ANO3: variants seen among roughly 807,000 people sequenced by gnomAD.
The protein encoded by ANO3 is anoctamin 3.
A neutral mutation model predicts 144.8 loss-of-function variants in ANO3; 99 were observed. The ratio of observed to expected loss-of-function variants is 0.68; its 90% CI spans 0.58 to 0.81. The LOEUF (loss-of-function observed/expected upper bound fraction) is 0.81. ANO3 is among the 30% of genes least tolerant of loss of function. The probability of loss-of-function intolerance (pLI) is 0.00; values close to 1 mark genes in which losing one functional copy is unlikely to be tolerated. For synonymous variants in ANO3, 414 were observed against 392.6 expected (o/e 1.05, Z -0.64); for missense variants, 905 against 1,202.2 (o/e 0.75, Z 3.66).
intron 1 of ANO3, among the ~76,000 whole-genome samples, chr11:26,361,670 G>A (rs1855931960): frequency 6.6e-6 from 1 of 152,020 alleles, no homozygotes; most frequent in Non-Finnish European, 1.5e-5. Context: ...TGAAAATATT[G>A]TTCCAATTAC....
rs1853169039 is a variant in ANO3 at position 26,641,975 on chromosome 11, T to G, written c.2221T>G (p.Trp741Gly). The G allele has an allele frequency of 1.2e-6, 2 of 1,613,892 alleles. No individual in the cohort carries two copies. The highest frequency in any genetic ancestry group is 3.3e-5 in the Admixed American group (2 of 59,980). Residue 741 changes from tryptophan (W) to glycine (G), a missense_variant, in exon 22 of 27, where the codon TGG becomes GGG. Around this residue, in one of 4 missense-constraint regions of ANO3, gnomAD observed 597 missense variants for 865.1 expected, o/e 0.69. Transcript: ENST00000256737. ...DASIPQWEND[W>G]NLQPMNLHGL... is the part of the protein sequence containing the mutation. ...TTCCATACCTCAGTGGGAAAATGAT[T>G]GGAATCTGCAGCCCATGAACCTTCA...
Position 26,544,251 on chromosome 11 carries a change from C to CATATATATATAT in ANO3, c.1154+2195_1154+2206dup, listed in dbSNP as rs1554967685. On this transcript the variant is annotated intron_variant, in intron 11 of 26. Coordinates refer to ENST00000256737, the MANE Select transcript of ANO3 (RefSeq NM_031418.4). ...TAAGGTTAAGTAGTATTTCATTATA[C>CATATATATATAT]ATATATATATATATATATATATACA... Among the ~76,000 whole-genome samples, 36 of 38,476 alleles carry CATATATATATAT rather than the reference C, an allele frequency of 9.4e-4. 1 individual carries two copies. The highest frequency in any genetic ancestry group is 1.2e-3 in the Non-Finnish European group (20 of 16,252). 25.2% of individuals were successfully genotyped at this position (38,476 alleles called of 152,430 possible). A position where few individuals can be genotyped will look rare whatever the true frequency, so the allele number is the denominator to read the frequency against.
At chr11:26,297,184 CGTGTGT>C (rs377447870) in intron 1 of ANO3, among the ~76,000 whole-genome samples, 3 of 146,336 alleles carry the variant, frequency 2.1e-5, no homozygotes, top group Non-Finnish European at 3.0e-5. Context: ...TCAACCATTG[CGTGTGT>C]GTGTGTGTGT....
intron 1 of ANO3, among the ~76,000 whole-genome samples, chr11:26,417,215 A>G (rs539203524): frequency 2.6e-5 from 4 of 152,140 alleles, no homozygotes; most frequent in Non-Finnish European, 5.9e-5. Context: ...AAATGGTACT[A>G]CATCTATAAC....
intron 1 of ANO3, among the ~76,000 whole-genome samples, chr11:26,320,110 G>A (rs1854722873): frequency 6.6e-6 from 1 of 152,170 alleles, no homozygotes; most frequent in African/African-American, 2.4e-5. Flanking sequence ...GCAGCCTATG[G>A]ACAAGCTATT....
chr11:26,584,148 TTTGTTTGTTTG>T (rs1279157539), intron 14 of ANO3, among the ~76,000 whole-genome samples: 1 of 71,696 alleles, frequency 1.4e-5, no homozygotes. Flanking sequence ...GTCTTGTTTT[TTTGTTTGTTTG>T]TTTGTTTGTT....
intron 1 of ANO3, among the ~76,000 whole-genome samples, chr11:26,212,823 A>G (rs1677481659): frequency 2.0e-5 from 3 of 152,054 alleles, no homozygotes; most frequent in African/African-American, 7.2e-5. Flanking sequence ...CAAAGACACA[A>G]CAAAAAAATG....
chr11:26,564,797 A>G (rs1850500229), intron 14 of ANO3, among the ~76,000 whole-genome samples: 1 of 117,298 alleles, frequency 8.5e-6, no homozygotes, highest in Non-Finnish European at 1.7e-5. Flanking sequence ...GTTCAGTTGT[A>G]TAGTATTCAC....
intron 1 of ANO3, among the ~76,000 whole-genome samples, chr11:26,380,308 C>T (rs1856555116): frequency 6.6e-6 from 1 of 152,176 alleles, no homozygotes; most frequent in African/African-American, 2.4e-5. Context: ...AAATTCCCTA[C>T]TGTCATTTCT....
At chr11:26,278,130 C>T (rs1461392) in intron 1 of ANO3, among the ~76,000 whole-genome samples, 151,623 of 152,170 alleles carry the variant, frequency 1, 75,542 homozygotes, top group Middle Eastern at 1. Context: ...CGTGTGCTTC[C>T]GGTGCTATTT....
intron 10 of ANO3, among the ~76,000 whole-genome samples, chr11:26,539,829 C>T (rs1359946023): frequency 2.6e-5 from 4 of 152,148 alleles, no homozygotes; most frequent in African/African-American, 7.2e-5. Context: ...AGTTGACTCT[C>T]GTAAAACCCC....
At chr11:26,563,077 A>G in intron 14 of ANO3, 1 of 1,599,072 alleles carries the variant, frequency 6.3e-7, no homozygotes, top group South Asian at 1.1e-5. Flanking sequence ...TTTAATTAAA[A>G]CCACTGTGCC....
chr11:26,292,637 T>A (rs1564952058), intron 1 of ANO3, among the ~76,000 whole-genome samples: 1 of 152,204 alleles, frequency 6.6e-6, no homozygotes, highest in Non-Finnish European at 1.5e-5. Flanking sequence ...GCAATTCCTT[T>A]CTGTTTGTTA....
chr11:26,598,712 A>G, intron 15 of ANO3, 146 bp from the exon 16 acceptor site: 1 of 753,210 alleles, frequency 1.3e-6, no homozygotes, highest in Non-Finnish European at 2.1e-6. Context: ...TTTGGAAGGT[A>G]ATTTGATGTT....
In ANO3 at chr11:26,378,825, T is replaced by C. The variant is rs186552116; in HGVS notation, c.46+46504T>C. ...GGTCCAAGATAAGCTTTCCTGATTT[T>C]CTATCATGCAGCATATGATGTAAGG... is the stretch of plus-strand genomic sequence containing the variant. On this transcript the variant is annotated intron_variant, in intron 1 of 26. Transcript: ENST00000256737. Among the ~76,000 whole-genome samples, 4 of 152,236 alleles carry C rather than the reference T, an allele frequency of 2.6e-5. No individual in the cohort carries two copies. In the East Asian group the frequency reaches 7.7e-4, roughly 29 times the overall value.
intron 1 of ANO3, among the ~76,000 whole-genome samples, chr11:26,437,820 C>T (rs1050495222): frequency 6.7e-6 from 1 of 149,818 alleles, no homozygotes; most frequent in Non-Finnish European, 1.5e-5. Context: ...ACACGTAACT[C>T]ATGTATGAGT....
At position 26,508,253 on chromosome 11, in the gene ANO3, G is replaced by A; in HGVS notation, c.582G>A (p.Leu194=). 1 of 1,590,120 alleles carries A rather than the reference G, an allele frequency of 6.3e-7. No individual in the cohort carries two copies. Among genetic ancestry groups the A allele is most frequent in the Non-Finnish European group, 8.5e-7 (1 of 1,172,922 alleles). The part of the protein sequence containing the change: ...EKNLRAEGLM[L]EKEPAIASPD... ...ACCTCAGAGCAGAAGGCTTGATGTT[G>A]GAGAAGGAGGTAGGTGCTTTACTAT... The change falls in exon 5 of 27, where the codon TTG becomes TTA. Residue 194 remains leucine (L), a synonymous_variant. Coordinates refer to ENST00000256737, the MANE Select transcript of ANO3 (RefSeq NM_031418.4).
At chr11:26,525,047 G>A (rs2134166715) in intron 6 of ANO3, among the ~76,000 whole-genome samples, 1 of 152,222 alleles carries the variant, frequency 6.6e-6, no homozygotes, top group South Asian at 2.1e-4. Flanking sequence ...TCCTCCACCT[G>A]TAAAAACTAA....
intron 1 of ANO3, among the ~76,000 whole-genome samples, chr11:26,337,326 C>T (rs1328406391): frequency 1.3e-5 from 2 of 152,102 alleles, no homozygotes; most frequent in Non-Finnish European, 2.9e-5. Flanking sequence ...AATATATATC[C>T]TCTACTTAGT....
Sources: gnomAD v4.1 joint callset for allele counts (sites outside exome capture counted in the v4.1 genomes callset) on GRCh38, gnomAD v4.1.1 for gene constraint, gnomAD v4.1.1 regional missense constraint, MANE v1.5 for transcripts, NCBI Gene and HGNC (gene_info 2026-07-23, HGNC 2026-07-21) for gene names.